LGALS3: variants seen among roughly 807,000 people sequenced by gnomAD.
The protein encoded by LGALS3 is galectin-3.
A neutral mutation model predicts 20.7 loss-of-function variants in LGALS3; 18 were observed. The observed-to-expected ratio is 0.87, with a 90% CI of 0.60 to 1.29. The LOEUF is 1.29. Among genes scored for constraint, LGALS3 ranks in the 50% most tolerant of loss-of-function variants. The pLI is 0.00. For missense variants in LGALS3, 315 were observed against 314.7 expected (o/e 1.00, Z -0.01); for synonymous variants, 112 against 119.6 (o/e 0.94, Z 0.42).
chr14:55,138,294 C>A lies in LGALS3; in HGVS notation c.268C>A (p.Pro90Thr), dbSNP rs1212950123. ...PGPPSGPGAY[P>T]SSGQPSATGA... ...GCCACCCAGCGGCCCTGGGGCCTAC[C>A]CATCTTCTGGACAGCCAAGTGCCAC... The change falls in exon 3 of 6, where the codon CCA (proline) becomes ACA (threonine). Residue 90 changes from proline to threonine, a missense_variant. Physicochemically the swap from Pro to Thr is conservative, Grantham distance 38. Coordinates refer to ENST00000254301, the MANE Select transcript of LGALS3 (RefSeq NM_002306.4). 9 of 1,612,764 alleles carry A rather than the reference C, an allele frequency of 5.6e-6. No homozygotes were observed. The highest frequency in any genetic ancestry group is 7.6e-6 in the Non-Finnish European group (9 of 1,179,822).
At chr14:55,139,775 T>C (rs1881552931) in intron 3 of LGALS3, among the ~76,000 whole-genome samples, 1 of 152,202 alleles carries the variant, frequency 6.6e-6, no homozygotes, top group African/African-American at 2.4e-5. Context: ...ATTTGTGGAA[T>C]GAACCTCACA....
At chr14:55,136,539 A>G (rs764487528) in intron 1 of LGALS3, among the ~76,000 whole-genome samples, 1 of 151,586 alleles carries the variant, frequency 6.6e-6, no homozygotes, top group Non-Finnish European at 1.5e-5. Flanking sequence ...CTTAATCTTT[A>G]TGGGTACATA....
intron 1 of LGALS3, among the ~76,000 whole-genome samples, chr14:55,136,695 G>A (rs1881405975): frequency 6.6e-6 from 1 of 152,050 alleles, no homozygotes; most frequent in East Asian, 1.9e-4. Context: ...ATTTTCAAAC[G>A]TACAATGAAA....
At chr14:55,143,139 A>G (rs976798128) in intron 5 of LGALS3, among the ~76,000 whole-genome samples, 3 of 152,240 alleles carry the variant, frequency 2.0e-5, no homozygotes, top group African/African-American at 7.2e-5. Context: ...AGTTTTATGA[A>G]AAGTTTATAA....
chr14:55,140,552 C>A, intron 4 of LGALS3, 189 bp downstream of exon 4: 1 of 495,328 alleles, frequency 2.0e-6, no homozygotes, highest in Non-Finnish European at 3.6e-6. Context: ...CATACATATT[C>A]CCATATAATT....
chr14:55,143,056 A>T (rs2075602), intron 5 of LGALS3, among the ~76,000 whole-genome samples: 1 of 152,112 alleles, frequency 6.6e-6, no homozygotes, highest in Non-Finnish European at 1.5e-5. Flanking sequence ...TGGTACAGTT[A>T]TACTGCGACT....
rs11538647 is a variant in LGALS3, at chr14:55,138,186, T to C, written c.160T>C (p.Tyr54His). ...AYPGQAPPGA[Y>H]PGQAPPGAYP... ...CCCCGGGCAGGCACCCCCAGGGGCT[T>C]ATCCTGGACAGGCACCTCCAGGCGC... The change falls in exon 3 of 6, where the codon TAT becomes CAT. Residue 54 changes from tyrosine to histidine, a missense_variant. Coordinates refer to ENST00000254301, the MANE Select transcript of LGALS3 (RefSeq NM_002306.4). The C allele has an allele frequency of 6.2e-7, 1 of 1,611,888 alleles. No individual in the cohort carries two copies. Among genetic ancestry groups the C allele is most frequent in the Non-Finnish European group, 8.5e-7 (1 of 1,179,020 alleles).
chr14:55,129,300 G>T lies in LGALS3; in HGVS notation c.-5G>T, dbSNP rs1881154534. On this transcript the variant is annotated splice_region_variant and 5_prime_UTR_variant, in exon 1 of 6. Transcript: ENST00000254301. This position sits in a 1 kb window ranked among gnomAD's most constrained non-coding sequence, Gnocchi z 5.3. ...AGCCGTCCGGAGCCAGCCAACGAGC[G>T]GTGAGCTGCGCGGGGCGCGGGGGAC... The T allele has an allele frequency of 6.6e-6, 1 of 151,904 alleles. No homozygotes were observed. The highest frequency in any genetic ancestry group is 2.1e-4 in the South Asian group (1 of 4,836). The allele number at this position is 151,904 out of a possible 1,614,324, so 9.4% of individuals were successfully genotyped here.
intron 5 of LGALS3, 128 bp from the exon 6 acceptor site, chr14:55,144,988 T>C: frequency 1.4e-6 from 1 of 716,914 alleles, no homozygotes; most frequent in South Asian, 1.9e-5. Flanking sequence ...GGACATTTTT[T>C]CCCTTTATTT....
chr14:55,131,203 C>T (rs1881222148), intron 1 of LGALS3, among the ~76,000 whole-genome samples: 1 of 152,170 alleles, frequency 6.6e-6, no homozygotes, highest in South Asian at 2.1e-4. Flanking sequence ...ACGTAAGAAG[C>T]AGAAGAGGAC....
intron 3 of LGALS3, among the ~76,000 whole-genome samples, chr14:55,140,063 T>A (rs1881562758): frequency 1.4e-5 from 2 of 141,382 alleles, no homozygotes; most frequent in African/African-American, 5.6e-5. Flanking sequence ...GTAATGAGAT[T>A]TACTGATGGC....
At chr14:55,136,844 CTTCTA>C (rs1302820174) in intron 1 of LGALS3, among the ~76,000 whole-genome samples, 1 of 144,800 alleles carries the variant, frequency 6.9e-6, no homozygotes, top group East Asian at 2.3e-4. Context: ...GGTAACCATC[CTTCTA>C]TTCTATATCT....
At chr14:55,143,945 T>A (rs1372643362) in intron 5 of LGALS3, among the ~76,000 whole-genome samples, 2 of 152,214 alleles carry the variant, frequency 1.3e-5, no homozygotes. Context: ...TCTAGAAATC[T>A]TTGCTTTAAA....
Position 55,129,387 on chromosome 14 carries a change from G to T in LGALS3, c.-5+87G>T, listed in dbSNP as rs1881159999. The T allele has an allele frequency of 6.6e-6, 1 of 152,090 alleles. No homozygotes were observed. The highest frequency in any genetic ancestry group is 2.4e-5 in the African/African-American group (1 of 41,420). The allele number at this position is 152,090 out of a possible 1,614,324, so 9.4% of individuals were successfully genotyped here. On this transcript the variant is annotated intron_variant, in intron 1 of 5. Transcript: ENST00000254301. The surrounding 1 kb of genome is among the most constrained non-coding windows in gnomAD (Gnocchi z 5.3). Reference sequence around the variant, plus strand: ...GCTGCTTGGGGCGCGGTCCGGAGAGGGTTCGGCTCCCCGGGACCGGGCCGG... The same window carrying T: ...GCTGCTTGGGGCGCGGTCCGGAGAGTGTTCGGCTCCCCGGGACCGGGCCGG...
intron 4 of LGALS3, among the ~76,000 whole-genome samples, chr14:55,141,073 C>T (rs1033366718): frequency 1.3e-5 from 2 of 152,142 alleles, no homozygotes; most frequent in Non-Finnish European, 2.9e-5. Flanking sequence ...AAGCCATGTA[C>T]ACAGGTTTAT....
At chr14:55,143,398 C>T (rs548128694) in intron 5 of LGALS3, 1 of 352,960 alleles carries the variant, frequency 2.8e-6, no homozygotes, top group Non-Finnish European at 5.5e-6. Flanking sequence ...GATATCTTTT[C>T]GTATCAGAAT....
intron 1 of LGALS3, among the ~76,000 whole-genome samples, chr14:55,130,032 G>A (rs1187647856): frequency 1.3e-5 from 2 of 152,220 alleles, no homozygotes; most frequent in East Asian, 1.9e-4. Context: ...GAGTGGGCAT[G>A]ACCCGGCTTT....
At chr14:55,140,504 T>C in intron 4 of LGALS3, 141 bp downstream of exon 4, 1 of 584,544 alleles carries the variant, frequency 1.7e-6, no homozygotes, top group Middle Eastern at 4.0e-4. Flanking sequence ...ATATTTAGAA[T>C]CTTGGCTATA....
intron 5 of LGALS3, among the ~76,000 whole-genome samples, chr14:55,144,736 T>C (rs1419865191): frequency 1.3e-5 from 2 of 152,040 alleles, no homozygotes; most frequent in Non-Finnish European, 2.9e-5. Context: ...AGCTAATTTT[T>C]TGTATTTTCA....
Sources: gnomAD v4.1 joint callset for allele counts (sites outside exome capture counted in the v4.1 genomes callset) on GRCh38, gnomAD v4.1.1 for gene constraint, Gnocchi (gnomAD v3.1) non-coding constraint, MANE v1.5 for transcripts, NCBI Gene and HGNC (gene_info 2026-07-23, HGNC 2026-07-21) for gene names.